FNDC3B: variants seen among roughly 807,000 people sequenced by gnomAD.
FNDC3B encodes the protein fibronectin type III domain-containing protein 3B.
Under a neutral mutation model 151.5 loss-of-function variants are expected in FNDC3B, and 12 were observed. That is an observed-to-expected ratio of 0.08 (90% CI 0.05 to 0.13). FNDC3B has a LOEUF of 0.13. FNDC3B is among the 10% of genes least tolerant of loss of function. The pLI is 1.00. For missense variants in FNDC3B, 1,214 were observed against 1,505.3 expected (o/e 0.81, Z 3.20); for synonymous variants, 528 against 549.0 (o/e 0.96, Z 0.54).
At chr3:172,047,656 A>G (rs776729164) in intron 1 of FNDC3B, among the ~76,000 whole-genome samples, 14 of 152,226 alleles carry the variant, frequency 9.2e-5, no homozygotes, top group Admixed American at 3.3e-4. Context: ...GATTGACTCA[A>G]TGCTATTATG....
intron 23 of FNDC3B, among the ~76,000 whole-genome samples, chr3:172,373,935 A>C (rs1734999153): frequency 6.6e-6 from 1 of 152,254 alleles, no homozygotes; most frequent in African/African-American, 2.4e-5. Flanking sequence ...TTGGAGGAGC[A>C]AGGGGAACCA....
chr3:172,300,121 C>T (rs538025457), intron 9 of FNDC3B, among the ~76,000 whole-genome samples: 130 of 152,264 alleles, frequency 8.5e-4, no homozygotes, highest in African/African-American at 3.0e-3. Flanking sequence ...TCCGCCCAAA[C>T]GTATTGAGCT....
Position 172,275,538 on chromosome 3 carries a change from C to T in FNDC3B, c.791-10388C>T, listed in dbSNP as rs556664991. Among the ~76,000 whole-genome samples, 3 of 152,316 alleles carry T rather than the reference C, an allele frequency of 2.0e-5. No individual in the cohort carries two copies. The East Asian group carries it at 5.8e-4, about 29-fold the overall frequency. On this transcript the variant is annotated intron_variant, in intron 6 of 25. Coordinates refer to ENST00000415807, the MANE Select transcript of FNDC3B (RefSeq NM_022763.4). ...AGGTAGGCTTGAAAACAATTCAGGA[C>T]TTCTTTTACATTGACCCTGGATTTG...
Position 172,183,129 on chromosome 3 carries a change from T to C in FNDC3B, c.188-43742T>C, listed in dbSNP as rs1023491374. On this transcript the variant is annotated intron_variant, in intron 3 of 25. Transcript: ENST00000415807. Reference sequence around the variant, plus strand: ...AGATCCAGGTCATCCTTGTTCTTCTTTGTGTTTTTTATGAAGTGAGACTTT... The same window carrying C: ...AGATCCAGGTCATCCTTGTTCTTCTCTGTGTTTTTTATGAAGTGAGACTTT... Among the ~76,000 whole-genome samples the C allele has an allele frequency of 1.6e-4, 24 of 152,216 alleles. 1 individual carries two copies. Among genetic ancestry groups the C allele is most frequent in the Admixed American group, 1.4e-3 (21 of 15,280 alleles).
At chr3:172,286,451 G>C (rs1321608345) in intron 7 of FNDC3B, among the ~76,000 whole-genome samples, 1 of 152,108 alleles carries the variant, frequency 6.6e-6, no homozygotes, top group Non-Finnish European at 1.5e-5. Context: ...TGGTCGAAGT[G>C]GTGAGGTTTT....
intron 23 of FNDC3B, among the ~76,000 whole-genome samples, chr3:172,369,863 G>A (rs147074564): frequency 5.9e-5 from 9 of 151,996 alleles, no homozygotes; most frequent in East Asian, 3.9e-4. Flanking sequence ...AGCACCGTTC[G>A]TTCCCAAATG....
intron 11 of FNDC3B, among the ~76,000 whole-genome samples, chr3:172,322,349 G>A (rs533368629): frequency 6.6e-6 from 1 of 152,306 alleles, no homozygotes; most frequent in African/African-American, 2.4e-5. Flanking sequence ...AAAATCAGGT[G>A]TCCCAGCAAA....
chr3:172,171,471 C>A (rs1436168450), intron 3 of FNDC3B, among the ~76,000 whole-genome samples: 1 of 151,882 alleles, frequency 6.6e-6, no homozygotes, highest in African/African-American at 2.4e-5. Context: ...AATGGGGTAT[C>A]TTTTTAAAAC....
chr3:172,076,831 A>G (rs1391875212), intron 1 of FNDC3B, among the ~76,000 whole-genome samples: 1 of 152,218 alleles, frequency 6.6e-6, no homozygotes, highest in Admixed American at 6.5e-5. Flanking sequence ...AAATAAAATT[A>G]TAACTTTTCC....
intron 3 of FNDC3B, among the ~76,000 whole-genome samples, chr3:172,137,798 G>T (rs1721446706): frequency 6.6e-6 from 1 of 152,022 alleles, no homozygotes; most frequent in South Asian, 2.1e-4. Flanking sequence ...TCTTGAAGGG[G>T]CCAAAAAAGG....
At chr3:172,139,532 CA>C (rs1264101383) in intron 3 of FNDC3B, among the ~76,000 whole-genome samples, 1 of 151,968 alleles carries the variant, frequency 6.6e-6, no homozygotes, top group Non-Finnish European at 1.5e-5. Flanking sequence ...AATTTGCAAC[CA>C]GTTTTTTGAT....
chr3:172,165,212 G>A (rs1441463102), intron 3 of FNDC3B, among the ~76,000 whole-genome samples: 1 of 152,116 alleles, frequency 6.6e-6, no homozygotes, highest in Non-Finnish European at 1.5e-5. Context: ...ATTTCACCAT[G>A]TTGCCCAGGC....
In FNDC3B at chr3:172,307,452, C is replaced by G. The variant is rs1370235000; in HGVS notation, c.1151C>G (p.Pro384Arg). 1 of 1,614,002 alleles carries G rather than the reference C, an allele frequency of 6.2e-7. No individual in the cohort carries two copies. The highest frequency in any genetic ancestry group is 1.7e-5 in the Admixed American group (1 of 60,010). The change falls in exon 10 of 26, where the codon CCC (proline) becomes CGC (arginine). Residue 384 changes from proline (P) to arginine (R), a missense_variant. Transcript: ENST00000415807. ...THSCAPECPF[P>R]PKLAHRSKSS... ...AGCTGTGCACCCGAGTGTCCTTTCC[C>G]CCCTAAGCTGGCACATAGGAGCAAA...
chr3:172,246,932 G>T (rs549605716), intron 4 of FNDC3B, among the ~76,000 whole-genome samples: 10 of 152,052 alleles, frequency 6.6e-5, no homozygotes, highest in Non-Finnish European at 1.2e-4. Context: ...GTTTTTCTTT[G>T]GTCAGAATCC....
At chr3:172,206,348 A>G (rs1725421457) in intron 3 of FNDC3B, among the ~76,000 whole-genome samples, 1 of 152,158 alleles carries the variant, frequency 6.6e-6, no homozygotes, top group African/African-American at 2.4e-5. Context: ...ATTTCTTGGG[A>G]TCCTATCTCA....
intron 1 of FNDC3B, among the ~76,000 whole-genome samples, chr3:172,075,536 C>T (rs1380757287): frequency 6.6e-6 from 1 of 152,038 alleles, no homozygotes; most frequent in Admixed American, 6.6e-5. Flanking sequence ...CTGAAGGCTC[C>T]TTGGCAGTGG....
At chr3:172,383,989 C>G (rs1411962024) in intron 25 of FNDC3B, among the ~76,000 whole-genome samples, 4 of 128,796 alleles carry the variant, frequency 3.1e-5, no homozygotes, top group Non-Finnish European at 6.5e-5. Context: ...CACCTGTTCT[C>G]TGAAACAGTA....
chr3:172,285,914 T>C lies in FNDC3B; in HGVS notation c.791-12T>C. On this transcript the variant is annotated splice_polypyrimidine_tract_variant and intron_variant, in intron 6 of 25. Coordinates refer to ENST00000415807, the MANE Select transcript of FNDC3B (RefSeq NM_022763.4). ...TGGTATTGTTTTTCCTTTTTTCTTT[T>C]TCGCAATGCAGAATATGAGTTGGAA... 1 of 1,611,162 alleles carries C rather than the reference T, an allele frequency of 6.2e-7. No homozygotes were observed. The highest frequency in any genetic ancestry group is 1.3e-5 in the African/African-American group (1 of 74,932).
At chr3:172,253,235 C>T (rs1432812289) in intron 6 of FNDC3B, among the ~76,000 whole-genome samples, 4 of 152,022 alleles carry the variant, frequency 2.6e-5, no homozygotes, top group Non-Finnish European at 2.9e-5. Context: ...ATTAAGGAGC[C>T]GAAAGATGAT....
Sources: allele counts gnomAD v4.1 joint callset (sites outside exome capture counted in the v4.1 genomes callset), GRCh38; gene constraint gnomAD v4.1.1; transcripts MANE v1.5; gene names NCBI Gene and HGNC (gene_info 2026-07-23, HGNC 2026-07-21).